TMIGD3: variants seen among roughly 807,000 people sequenced by gnomAD.
TMIGD3 encodes the protein transmembrane and immunoglobulin domain containing 3.
A neutral mutation model predicts 28.1 loss-of-function variants in TMIGD3; 21 were observed. The ratio of observed to expected loss-of-function variants is 0.75; its 90% CI spans 0.53 to 1.08. The LOEUF is 1.08. Ranked by LOEUF, TMIGD3 falls within the 50% of genes least tolerant of loss-of-function variation. The probability of loss-of-function intolerance (pLI) is 0.00; values close to 1 mark genes in which losing one functional copy is unlikely to be tolerated. For synonymous variants in TMIGD3, 151 were observed against 162.1 expected, an observed-to-expected ratio of 0.93 and a Z score of 0.52; for missense variants, 416 against 435.6, an observed-to-expected ratio of 0.96 and a Z score of 0.40.
At position 111,496,692 on chromosome 1, in the gene TMIGD3, T is replaced by A. The variant is rs115467639; in HGVS notation, c.351-5930A>T. On this transcript the variant is annotated intron_variant, in intron 1 of 5. Coordinates refer to ENST00000369716, the MANE Select transcript of TMIGD3 (RefSeq NM_020683.7). ...GCTGCCCAATTCATGAATCATTGAATGCTCAAATAAACTCATTAAAATTTT... is the reference window on the plus strand; with the variant it reads ...GCTGCCCAATTCATGAATCATTGAAAGCTCAAATAAACTCATTAAAATTTT... Among the ~76,000 whole-genome samples the A allele has an allele frequency of 7.8e-3, 1,194 of 152,344 alleles. 17 individuals are homozygous for A. Among genetic ancestry groups the A allele is most frequent in the African/African-American group, 0.028 (1,144 of 41,568 alleles).
At chr1:111,521,403 A>G (rs1656056820) in intron 1 of TMIGD3, among the ~76,000 whole-genome samples, 1 of 152,108 alleles carries the variant, frequency 6.6e-6, no homozygotes, top group African/African-American at 2.4e-5. Flanking sequence ...AATGAATGAG[A>G]GTTCCAGTTT....
chr1:111,522,885 A>T (rs1656127233), intron 1 of TMIGD3, among the ~76,000 whole-genome samples: 1 of 152,126 alleles, frequency 6.6e-6, no homozygotes, highest in Non-Finnish European at 1.5e-5. Flanking sequence ...CTTTTTGTGT[A>T]TTGAACTTAT....
At position 111,503,133 on chromosome 1, in the gene TMIGD3, C is replaced by A; in HGVS notation, c.222G>T (p.Leu74=). 1 of 1,614,172 alleles carries A rather than the reference C, an allele frequency of 6.2e-7. No individual in the cohort carries two copies. Among genetic ancestry groups the A allele is most frequent in the Non-Finnish European group, 8.5e-7 (1 of 1,180,016 alleles). The part of the protein sequence containing the change: ...LVMPLAIVVS[L]GITIHFYSCL... ...AGCTGTAGAAGTGGATTGTGATGCC[C>A]AGGCTGACAACAATGGCCAAAGGCA... is the stretch of plus-strand genomic sequence containing the variant. Residue 74 remains leucine, a synonymous_variant, in exon 1 of 6, where the codon CTG becomes CTT. Coordinates refer to ENST00000369716, the MANE Select transcript of TMIGD3 (RefSeq NM_020683.7).
chr1:111,544,669 G>A (rs563923770), intron 1 of TMIGD3, among the ~76,000 whole-genome samples: 2 of 152,264 alleles, frequency 1.3e-5, no homozygotes, highest in East Asian at 1.9e-4. Context: ...GAACATTGGT[G>A]TACAAGTTTT....
chr1:111,554,537 A>T (rs1280992871), intron 1 of TMIGD3, among the ~76,000 whole-genome samples: 2 of 152,238 alleles, frequency 1.3e-5, no homozygotes, highest in African/African-American at 4.8e-5. Flanking sequence ...AGGTCTACAC[A>T]AATTCAAAAG....
At chr1:111,562,527 A>G (rs1657780991) in intron 1 of TMIGD3, among the ~76,000 whole-genome samples, 1 of 152,246 alleles carries the variant, frequency 6.6e-6, no homozygotes, top group Non-Finnish European at 1.5e-5. Context: ...AAAATGTGAC[A>G]GATGATTTGG....
upstream of TMIGD3, among the ~76,000 whole-genome samples, chr1:111,508,494 C>A (rs1037485477): frequency 1.3e-5 from 2 of 152,136 alleles, no homozygotes. Flanking sequence ...AACCAGCAAC[C>A]TCAGATGGTG....
At position 111,488,920 on chromosome 1, in the gene TMIGD3, A is replaced by C. The variant is rs1299647556; in HGVS notation, c.562T>G (p.Cys188Gly). ...AHYKNHPKYWCRGYFRDYCNI... is the reference protein window; with the variant it reads ...AHYKNHPKYWGRGYFRDYCNI... ...CAGTAGTCACGGAAATAGCCTCGGCACCAGTATTTGGGGTGATTCTTGTAG... is the reference window on the plus strand; with the variant it reads ...CAGTAGTCACGGAAATAGCCTCGGCCCCAGTATTTGGGGTGATTCTTGTAG... Residue 188 changes from cysteine (C) to glycine (G), a missense_variant, in exon 3 of 6, where the codon TGC (cysteine) becomes GGC (glycine). Transcript: ENST00000369716. 6.2e-7 allele frequency: 1 copy of C among 1,614,186 alleles called. No individual in the cohort carries two copies. Among genetic ancestry groups the C allele is most frequent in the East Asian group, 2.2e-5 (1 of 44,886 alleles).
chr1:111,534,483 G>A (rs755971295), intron 1 of TMIGD3, among the ~76,000 whole-genome samples: 4 of 152,188 alleles, frequency 2.6e-5, no homozygotes, highest in African/African-American at 7.2e-5. Context: ...GAGAGTTGAC[G>A]ATTGCATTGT....
intron 1 of TMIGD3, among the ~76,000 whole-genome samples, chr1:111,518,901 A>G (rs976905602): frequency 2.6e-5 from 4 of 152,044 alleles, no homozygotes; most frequent in Admixed American, 1.3e-4. Flanking sequence ...TCCTTCCCCA[A>G]CTAGGAATAT....
chr1:111,497,117 T>C (rs1654914362), intron 1 of TMIGD3, among the ~76,000 whole-genome samples: 1 of 152,176 alleles, frequency 6.6e-6, no homozygotes, highest in Non-Finnish European at 1.5e-5. Context: ...CTAATCTCTC[T>C]TTTTTGTTTT....
chr1:111,524,253 T>G (rs2101006669), intron 1 of TMIGD3, among the ~76,000 whole-genome samples: 1 of 152,152 alleles, frequency 6.6e-6, no homozygotes, highest in East Asian at 1.9e-4. Context: ...ATGGTCTTGA[T>G]CTCCTGACCT....
chr1:111,518,338 G>T (rs916065114), intron 1 of TMIGD3, among the ~76,000 whole-genome samples: 9 of 152,116 alleles, frequency 5.9e-5, no homozygotes, highest in Non-Finnish European at 1.2e-4. Flanking sequence ...CTAAACCAGG[G>T]TTTCTCAACC....
intron 3 of TMIGD3, 65 bp from the exon 4 acceptor site, chr1:111,486,717 G>T: frequency 1.5e-6 from 2 of 1,321,092 alleles, no homozygotes; most frequent in Non-Finnish European, 2.2e-6. Flanking sequence ...CTGCCTCCCA[G>T]CTGCAGCTCT....
rs3849168 is a variant in TMIGD3 at position 111,532,363 on chromosome 1, G to A, written c.107+31483C>T. 2.6e-3 allele frequency among the ~76,000 whole-genome samples: 402 copies of A among 152,278 alleles called. 3 individuals carry two copies. The highest frequency in any genetic ancestry group is 7.5e-3 in the Admixed American group (115 of 15,294). On this transcript the variant is annotated intron_variant, in intron 1 of 5. Coordinates refer to the TMIGD3 transcript ENST00000369717. ...ATATTTATCACAGTGAAAACATGCC[G>A]TGCCCTAAAATGAAGTCCATCCAGG...
intron 1 of TMIGD3, among the ~76,000 whole-genome samples, chr1:111,552,757 T>A (rs549817016): frequency 3.3e-5 from 5 of 152,332 alleles, no homozygotes; most frequent in Admixed American, 2.6e-4. Context: ...ATGCATGACC[T>A]GGAGCAAGCC....
intron 1 of TMIGD3, among the ~76,000 whole-genome samples, chr1:111,540,947 A>G (rs1254519607): frequency 6.6e-6 from 1 of 152,220 alleles, no homozygotes; most frequent in Non-Finnish European, 1.5e-5. Context: ...TCAAATGCCT[A>G]TGGAACGACG....
chr1:111,495,381 A>G (rs1006190522), intron 1 of TMIGD3, among the ~76,000 whole-genome samples: 10 of 152,218 alleles, frequency 6.6e-5, no homozygotes, highest in African/African-American at 2.4e-4. Context: ...ATCACTGATC[A>G]TTAGAGAAAT....
chr1:111,489,123 A>T, intron 2 of TMIGD3, 99 bp from the exon 3 acceptor site: 1 of 1,206,266 alleles, frequency 8.3e-7, no homozygotes. Flanking sequence ...AATTAATTAA[A>T]GAATCGGAGG....
Sources: allele counts gnomAD v4.1 joint callset (sites outside exome capture counted in the v4.1 genomes callset), GRCh38; gene constraint gnomAD v4.1.1; transcripts MANE v1.5; gene names NCBI Gene and HGNC (gene_info 2026-07-23, HGNC 2026-07-21).